Variants in NTRK3 observed in about 807,000 individuals in gnomAD.
NTRK3 encodes the protein neurotrophic receptor tyrosine kinase 3, also known as NT-3 growth factor receptor.
NTRK3 carries 24 observed loss-of-function variants against 91.7 expected under a neutral mutation model. That is an observed-to-expected ratio of 0.26 (90% CI 0.19 to 0.37). NTRK3 has a LOEUF of 0.37. Among genes scored for constraint, NTRK3 ranks in the 10% least tolerant of loss-of-function variants. NTRK3 has a pLI of 1.00. For missense variants in NTRK3, 880 were observed against 1,068.9 expected (o/e 0.82, Z 2.46); for synonymous variants, 483 against 404.0 (o/e 1.20, Z -2.34).
chr15:87,861,579 T>C, exon 19 of NTRK3: 1 of 193,460 alleles, frequency 5.2e-6, no homozygotes, highest in Non-Finnish European at 1.1e-5. Context: ...TAAAGGACAC[T>C]TCTCCTGAAA....
chr15:87,906,547 GT>G (rs2066778699), intron 17 of NTRK3, among the ~76,000 whole-genome samples: 1 of 152,116 alleles, frequency 6.6e-6, no homozygotes, highest in Non-Finnish European at 1.5e-5. Context: ...CAGCCACCTG[GT>G]TTTCTCTCTT....
chr15:87,957,891 A>T (rs539144984), intron 14 of NTRK3, among the ~76,000 whole-genome samples: 1 of 152,196 alleles, frequency 6.6e-6, no homozygotes, highest in Non-Finnish European at 1.5e-5. Flanking sequence ...GAAAGGAAAG[A>T]ACTAAATTGC....
chr15:88,111,414 C>T (rs1211296077), intron 13 of NTRK3, among the ~76,000 whole-genome samples: 1 of 152,254 alleles, frequency 6.6e-6, no homozygotes, highest in Admixed American at 6.5e-5. Flanking sequence ...CATTAACCCG[C>T]AGCCAAATGT....
intron 15 of NTRK3, 89 bp from the exon 16 acceptor site, chr15:87,933,273 C>A (rs1280035489): frequency 9.7e-6 from 12 of 1,235,828 alleles, no homozygotes; most frequent in Admixed American, 2.0e-5. Flanking sequence ...CCCCACACAC[C>A]ACTGGGTTAC....
chr15:87,913,144 A>C (rs2067215518), intron 17 of NTRK3, among the ~76,000 whole-genome samples: 1 of 151,672 alleles, frequency 6.6e-6, no homozygotes, highest in Admixed American at 6.6e-5. Context: ...AGAAAAGAAG[A>C]AAAAATCCAA....
At position 88,240,083 on chromosome 15, in the gene NTRK3, G is replaced by A. The variant is rs916593668; in HGVS notation, c.248+15823C>T. ...ACACACACACACACACAGGAACAAGGTTCCCACGCACCTGTGTGCAGGAGC... is the reference window on the plus strand; with the variant it reads ...ACACACACACACACACAGGAACAAGATTCCCACGCACCTGTGTGCAGGAGC... On this transcript the variant is annotated intron_variant, in intron 3 of 18. Transcript: ENST00000394480. This position sits in a 1 kb window ranked among gnomAD's most constrained non-coding sequence, Gnocchi z 4.9. 6.6e-6 allele frequency among the ~76,000 whole-genome samples: 1 copy of A among 151,646 alleles called. No homozygotes were observed. The highest frequency in any genetic ancestry group is 1.5e-5 in the Non-Finnish European group (1 of 67,930).
intron 3 of NTRK3, among the ~76,000 whole-genome samples, chr15:88,231,620 G>A (rs888348219): frequency 1.3e-4 from 20 of 152,132 alleles, no homozygotes; most frequent in South Asian, 2.1e-4. Flanking sequence ...CACTCAATGC[G>A]AGCATCCATC....
At position 88,137,570 on chromosome 15, in the gene NTRK3, A is replaced by C; in HGVS notation, c.465-9T>G. 5 of 1,613,348 alleles carry C rather than the reference A, an allele frequency of 3.1e-6. No homozygotes were observed. The Admixed American group carries it at 8.3e-5, about 27-fold the overall frequency. On this transcript the variant is annotated splice_polypyrimidine_tract_variant and intron_variant, in intron 6 of 18. Transcript: ENST00000394480. ...AGTTCTGCTCCAACTGCCTGTCGGC[A>C]AAGAGAGAGGGGAAGGGAACCTCTG...
At chr15:88,183,054 C>T (rs530497184) in intron 5 of NTRK3, among the ~76,000 whole-genome samples, 49 of 144,044 alleles carry the variant, frequency 3.4e-4, no homozygotes, top group Admixed American at 1.1e-3. Flanking sequence ...CATACACACT[C>T]TTATGGGCCT....
At chr15:88,139,396 G>A (rs1026715480) in intron 6 of NTRK3, among the ~76,000 whole-genome samples, 2 of 151,738 alleles carry the variant, frequency 1.3e-5, no homozygotes, top group African/African-American at 2.4e-5. Flanking sequence ...TGGGCACACC[G>A]CACTAAGACC....
chr15:88,141,940 G>A (rs1015617988), intron 6 of NTRK3, among the ~76,000 whole-genome samples: 1 of 152,218 alleles, frequency 6.6e-6, no homozygotes, highest in Non-Finnish European at 1.5e-5. Flanking sequence ...TTCCAACTGA[G>A]TTTATGGGAA....
chr15:88,035,661 C>T (rs1407208655), intron 13 of NTRK3, among the ~76,000 whole-genome samples: 1 of 152,118 alleles, frequency 6.6e-6, no homozygotes, highest in Non-Finnish European at 1.5e-5. Context: ...AAGAAGCAGT[C>T]AAGATCACCA....
intron 17 of NTRK3, among the ~76,000 whole-genome samples, chr15:87,899,299 G>A (rs915689511): frequency 2.6e-5 from 4 of 152,082 alleles, no homozygotes; most frequent in Non-Finnish European, 2.9e-5. Context: ...CTCTTTCAAC[G>A]TAAGGCTGTC....
At chr15:88,192,567 A>T (rs576424142) in intron 3 of NTRK3, among the ~76,000 whole-genome samples, 22 of 152,088 alleles carry the variant, frequency 1.4e-4, no homozygotes, top group Non-Finnish European at 2.9e-5. Flanking sequence ...AAAACCCTCC[A>T]ATGGCTTCCT....
chr15:87,873,631 T>G (rs59827937), exon 19 of NTRK3: 6,844 of 231,834 alleles, frequency 0.03, 485 homozygotes, highest in African/African-American at 0.14. Flanking sequence ...AAAATGAGGG[T>G]GAAATGAACT....
At chr15:88,238,924 A>G (rs1263972608) in intron 3 of NTRK3, among the ~76,000 whole-genome samples, 1 of 152,228 alleles carries the variant, frequency 6.6e-6, no homozygotes, top group African/African-American at 2.4e-5. Context: ...CTGTGGCCTT[A>G]GACAAGCTCT....
exon 10 of NTRK3, chr15:88,135,127 C>A: frequency 6.2e-7 from 1 of 1,614,238 alleles, no homozygotes; most frequent in Non-Finnish European, 8.5e-7. Context: ...GAGGAAGTGG[C>A]CATTGATGGT....
intron 17 of NTRK3, among the ~76,000 whole-genome samples, chr15:87,887,350 G>A (rs1299412231): frequency 6.6e-6 from 1 of 152,162 alleles, no homozygotes; most frequent in Non-Finnish European, 1.5e-5. Context: ...GATGTTGGAA[G>A]TCAGAAGCCC....
At chr15:88,121,600 T>G in intron 13 of NTRK3, among the ~76,000 whole-genome samples, 1 of 152,356 alleles carries the variant, frequency 6.6e-6, no homozygotes, top group East Asian at 1.9e-4. Context: ...TGAAATATTT[T>G]TATATGTTTC....
Sources: allele counts gnomAD v4.1 joint callset (sites outside exome capture counted in the v4.1 genomes callset), GRCh38; gene constraint gnomAD v4.1.1; non-coding constraint Gnocchi (gnomAD v3.1); transcripts MANE v1.5; gene names NCBI Gene and HGNC (gene_info 2026-07-23, HGNC 2026-07-21).